The following IQSEC3 variants were observed in gnomAD, a reference collection of about 807,000 sequenced individuals.
IQSEC3 encodes the protein IQ motif and Sec7 domain ArfGEF 3.
IQSEC3 carries 50 observed loss-of-function variants against 105.4 expected under a neutral mutation model. That is an observed-to-expected ratio of 0.47 (90% confidence interval 0.38 to 0.60). IQSEC3 has a LOEUF of 0.60. Among genes scored for constraint, IQSEC3 ranks in the 20% least tolerant of loss-of-function variants. IQSEC3 has a pLI of 0.00. For missense variants in IQSEC3, 1,415 were observed against 1,630.0 expected (o/e 0.87, Z 2.27); for synonymous variants, 708 against 746.0 (o/e 0.95, Z 0.83).
At chr12:100,586 C>T (rs782002108) in intron 2 of IQSEC3, among the ~76,000 whole-genome samples, 1 of 152,038 alleles carries the variant, frequency 6.6e-6, no homozygotes, top group Non-Finnish European at 1.5e-5. Context: ...CCCAAGAGGC[C>T]CTTAAATCCA....
At position 139,266 on chromosome 12, in the gene IQSEC3, G is replaced by A. The variant is rs554885386; in HGVS notation, c.1903G>A (p.Glu635Lys). ...MILSLPRYHCENPASCKSPTL... is the reference protein window; with the variant it reads ...MILSLPRYHCKNPASCKSPTL... ...CCTGAGCCTGCCGCGCTACCACTGC[G>A]AGAACCCAGCCAGCTGCAAGTCGCC... The change falls in exon 4 of 14, where the codon GAG (glutamate) becomes AAG (lysine). Residue 635 changes from glutamate (E) to lysine (K), a missense_variant. By Grantham distance (56) the Glu-to-Lys change is moderately conservative. Coordinates refer to ENST00000538872, the MANE Select transcript of IQSEC3 (RefSeq NM_001170738.2). 3 of 1,610,314 alleles carry A rather than the reference G, an allele frequency of 1.9e-6. No homozygotes were observed. Among genetic ancestry groups the A allele is most frequent in the East Asian group, 4.5e-5 (2 of 44,470 alleles).
At position 161,919 on chromosome 12, in the gene IQSEC3, T is replaced by C. The variant is rs782759887; in HGVS notation, c.2444-7T>C. 27 of 1,262,688 alleles carry C rather than the reference T, an allele frequency of 2.1e-5. No individual in the cohort carries two copies. Among genetic ancestry groups the C allele is most frequent in the Non-Finnish European group, 2.9e-5 (27 of 920,430 alleles). 78.2% of individuals were successfully genotyped at this position (1,262,688 alleles called of 1,614,324 possible). On this transcript the variant is annotated splice_polypyrimidine_tract_variant and splice_region_variant and intron_variant, in intron 7 of 13. Transcript: ENST00000538872. ...CACCACCACCCCTGCCCACTCCACG[T>C]TGTTAGGTGTGGACGATGGCGCTGA...
intron 5 of IQSEC3, among the ~76,000 whole-genome samples, chr12:150,212 TG>T (rs1179364566): frequency 6.6e-6 from 1 of 152,208 alleles, no homozygotes; most frequent in Non-Finnish European, 1.5e-5. Flanking sequence ...GTCTCCGAGC[TG>T]ATGAGAATTC....
chr12:97,647 C>G (rs1047218417), intron 1 of IQSEC3, among the ~76,000 whole-genome samples: 3 of 152,118 alleles, frequency 2.0e-5, no homozygotes, highest in African/African-American at 7.2e-5. Flanking sequence ...AGACCTCTAT[C>G]TCTATGAAAT....
chr12:175,134 C>A lies in IQSEC3; in HGVS notation c.*101C>A. On this transcript the variant is annotated 3_prime_UTR_variant, in exon 14 of 14. Coordinates refer to ENST00000538872, the MANE Select transcript of IQSEC3 (RefSeq NM_001170738.2). ...TACCCTGGCACGATGCGTTCCTGGT[C>A]ACTGATCACCATCATTTTGGGAAGA... is the stretch of plus-strand genomic sequence containing the variant. 3.3e-6 allele frequency: 3 copies of A among 899,534 alleles called. No individual in the cohort carries two copies. Among genetic ancestry groups the A allele is most frequent in the East Asian group, 2.7e-5 (1 of 36,952 alleles). The allele number at this position is 899,534 out of a possible 1,614,324, so 55.7% of individuals were successfully genotyped here.
At chr12:93,525 G>A (rs1864156675) in intron 1 of IQSEC3, among the ~76,000 whole-genome samples, 1 of 152,224 alleles carries the variant, frequency 6.6e-6, no homozygotes, top group Non-Finnish European at 1.5e-5. Flanking sequence ...GGGGAAGGCT[G>A]TGGCCTGAAG....
intron 7 of IQSEC3, among the ~76,000 whole-genome samples, chr12:160,167 C>CT (rs1271520295): frequency 4.3e-5 from 5 of 117,042 alleles, no homozygotes; most frequent in Non-Finnish European, 8.2e-5. Context: ...TTCTGGAGTC[C>CT]TTTTTTCTGT....
chr12:171,399 A>G, intron 13 of IQSEC3: 2 of 1,375,392 alleles, frequency 1.5e-6, no homozygotes, highest in Admixed American at 3.4e-5. Context: ...CTGCCCTCCG[A>G]GGCCGAGCTC....
In IQSEC3 at chr12:66,788, G is replaced by T; in HGVS notation, c.-95G>T. 4 of 1,157,948 alleles carry T rather than the reference G, an allele frequency of 3.5e-6. No homozygotes were observed. The highest frequency in any genetic ancestry group is 3.0e-5 in the South Asian group (1 of 33,344). 71.7% of individuals were successfully genotyped at this position (1,157,948 alleles called of 1,614,324 possible). ...AGGGAGGCTGGGCCGGTGGGAGAGG[G>T]AGGCGAGCCGACCGCTGGGCTGCTG... On this transcript the variant is annotated 5_prime_UTR_variant, in exon 1 of 14. Coordinates refer to ENST00000538872, the MANE Select transcript of IQSEC3 (RefSeq NM_001170738.2).
Position 83,133 on chromosome 12 carries a change from G to A in IQSEC3, c.554+15697G>A, listed in dbSNP as rs550203786. On this transcript the variant is annotated intron_variant, in intron 1 of 13. Coordinates refer to ENST00000538872, the MANE Select transcript of IQSEC3 (RefSeq NM_001170738.2). ...TAGGGAAAAAATTAAAATGTGATGA[G>A]CTGGGCTGTACAGGAGAAAGGAGAG... 8.5e-5 allele frequency among the ~76,000 whole-genome samples: 13 copies of A among 152,316 alleles called. No homozygotes were observed. In the South Asian group the frequency reaches 2.7e-3, roughly 32 times the overall value.
At chr12:120,055 AT>A (rs1326662605) in intron 2 of IQSEC3, among the ~76,000 whole-genome samples, 1 of 152,208 alleles carries the variant, frequency 6.6e-6, no homozygotes, top group Non-Finnish European at 1.5e-5. Flanking sequence ...CACACATCTT[AT>A]GAGCCAACCA....
chr12:70,437 A>G (rs1863269191), intron 1 of IQSEC3, among the ~76,000 whole-genome samples: 1 of 152,292 alleles, frequency 6.6e-6, no homozygotes, highest in Non-Finnish European at 1.5e-5. Context: ...ATTATGGAAG[A>G]AAAACATTTG....
At chr12:76,665 G>A (rs1301117434) in intron 1 of IQSEC3, among the ~76,000 whole-genome samples, 4 of 152,366 alleles carry the variant, frequency 2.6e-5, no homozygotes, top group South Asian at 2.1e-4. Flanking sequence ...TGGAGCATGC[G>A]GGAGACCAGG....
chr12:131,348 C>G (rs1865594560), intron 3 of IQSEC3, among the ~76,000 whole-genome samples: 1 of 152,204 alleles, frequency 6.6e-6, no homozygotes, highest in South Asian at 2.1e-4. Flanking sequence ...AGACCCCCCA[C>G]TCCCTGGGGC....
chr12:100,893 C>A (rs1350956354), intron 2 of IQSEC3, among the ~76,000 whole-genome samples: 1 of 152,098 alleles, frequency 6.6e-6, no homozygotes, highest in African/African-American at 2.4e-5. Flanking sequence ...TAGAGGAAGA[C>A]CCTGAGTTCC....
intron 11 of IQSEC3, chr12:166,850 T>C (rs1555098622): frequency 6.6e-6 from 1 of 151,966 alleles, no homozygotes; most frequent in African/African-American, 2.4e-5. Flanking sequence ...GTGTGGATCC[T>C]CACAGTGACG....
chr12:92,325 CA>C (rs1395198374), intron 1 of IQSEC3, among the ~76,000 whole-genome samples: 1 of 152,184 alleles, frequency 6.6e-6, no homozygotes, highest in Non-Finnish European at 1.5e-5. Context: ...GAGGTCCTTC[CA>C]TTGCCAGTTT....
chr12:71,871 G>A (rs1863333674), intron 1 of IQSEC3, among the ~76,000 whole-genome samples: 1 of 152,262 alleles, frequency 6.6e-6, no homozygotes, highest in African/African-American at 2.4e-5. Context: ...TAAGAAATGG[G>A]GCCAGGATGA....
At chr12:75,718 T>C (rs1555068851) in intron 1 of IQSEC3, among the ~76,000 whole-genome samples, 2 of 152,236 alleles carry the variant, frequency 1.3e-5, no homozygotes, top group Non-Finnish European at 2.9e-5. Context: ...TAAATACTGG[T>C]TGAATACATA....
Sources: gnomAD v4.1 joint callset for allele counts (sites outside exome capture counted in the v4.1 genomes callset) on GRCh38, gnomAD v4.1.1 for gene constraint, MANE v1.5 for transcripts, NCBI Gene and HGNC (gene_info 2026-07-23, HGNC 2026-07-21) for gene names.